Variants in ATXN2 observed in about 807,000 individuals in gnomAD.
The protein encoded by ATXN2 is ataxin 2.
ATXN2 carries 37 observed loss-of-function variants against 138.6 expected under a neutral mutation model. The ratio of observed to expected loss-of-function variants is 0.27; its 90% confidence interval spans 0.21 to 0.35. The LOEUF is 0.35. Among genes scored for constraint, ATXN2 ranks in the 10% least tolerant of loss-of-function variants. ATXN2 has a pLI of 1.00. For missense variants in ATXN2, 1,216 were observed against 1,480.3 expected (o/e 0.82, Z 2.93); for synonymous variants, 549 against 543.7 (o/e 1.01, Z -0.13).
intron 14 of ATXN2, among the ~76,000 whole-genome samples, chr12:111,501,583 G>A (rs991373203): frequency 2.6e-5 from 4 of 152,150 alleles, no homozygotes; most frequent in Non-Finnish European, 4.4e-5. Context: ...CAACTCTGGC[G>A]CATCGCAAGC....
intron 6 of ATXN2, among the ~76,000 whole-genome samples, chr12:111,521,310 C>T (rs1212548546): frequency 6.6e-6 from 1 of 152,152 alleles, no homozygotes; most frequent in African/African-American, 2.4e-5. Flanking sequence ...TTACCTGTAA[C>T]CTTCTTGAGA....
intron 1 of ATXN2, 43 bp from the exon 2 acceptor site, chr12:111,555,962 A>C (rs1157478066): frequency 4.3e-6 from 6 of 1,408,804 alleles, no homozygotes; most frequent in Non-Finnish European, 5.8e-6. Context: ...CAACAGGCTA[A>C]ATAAGCTGAA....
chr12:111,589,628 C>A (rs1266468541), intron 1 of ATXN2, among the ~76,000 whole-genome samples: 1 of 151,786 alleles, frequency 6.6e-6, no homozygotes, highest in Non-Finnish European at 1.5e-5. Flanking sequence ...AAAAATTAGC[C>A]AGGTGTAGTG....
At chr12:111,485,412 C>A in intron 17 of ATXN2, 81 bp from the exon 18 acceptor site, 1 of 1,317,738 alleles carries the variant, frequency 7.6e-7, no homozygotes, top group South Asian at 1.3e-5. Flanking sequence ...TTTTATATTG[C>A]TAGAGAGCTA....
At chr12:111,470,506 A>G in intron 19 of ATXN2, 52 bp downstream of exon 19, 2 of 1,584,730 alleles carry the variant, frequency 1.3e-6, no homozygotes, top group East Asian at 2.3e-5. Context: ...TACCATATTA[A>G]AAGTTTTTTT....
chr12:111,531,982 A>C (rs1201432980), intron 5 of ATXN2, among the ~76,000 whole-genome samples: 1 of 152,266 alleles, frequency 6.6e-6, no homozygotes. Flanking sequence ...ACATGTTCTT[A>C]ATTAAAGCAT....
intron 14 of ATXN2, among the ~76,000 whole-genome samples, chr12:111,489,438 C>G (rs1274642188): frequency 1.3e-5 from 2 of 151,954 alleles, no homozygotes; most frequent in Non-Finnish European, 2.9e-5. Context: ...CACGCTGAAA[C>G]CCCATCTCTA....
chr12:111,470,426 A>G, intron 19 of ATXN2, 132 bp downstream of exon 19: 1 of 1,168,118 alleles, frequency 8.6e-7, no homozygotes, highest in Non-Finnish European at 1.2e-6. Flanking sequence ...TATATTGAAA[A>G]GGGTCCCCAA....
intron 1 of ATXN2, among the ~76,000 whole-genome samples, chr12:111,577,414 C>G (rs1350912854): frequency 6.6e-6 from 1 of 151,960 alleles, no homozygotes; most frequent in Non-Finnish European, 1.5e-5. Flanking sequence ...TACAGGCGCC[C>G]GCCACCACAC....
intron 18 of ATXN2, among the ~76,000 whole-genome samples, chr12:111,476,536 A>G (rs990493445): frequency 2.0e-5 from 3 of 152,188 alleles, no homozygotes; most frequent in African/African-American, 4.8e-5. Flanking sequence ...GGGCTGCCAG[A>G]AACAGTGGGT....
At chr12:111,553,234 AAAT>A (rs1457697698) in intron 3 of ATXN2, among the ~76,000 whole-genome samples, 3 of 152,162 alleles carry the variant, frequency 2.0e-5, no homozygotes, top group African/African-American at 7.2e-5. Context: ...TTAAGTGACA[AAAT>A]AATGTACAAA....
intron 21 of ATXN2, chr12:111,457,961 G>A (rs1875243189): frequency 6.6e-6 from 1 of 152,166 alleles, no homozygotes; most frequent in South Asian, 2.1e-4. Flanking sequence ...AATAAATATA[G>A]AAAAGTAAAC....
In ATXN2 at chr12:111,516,398, A is replaced by T. The variant is rs1441405873; in HGVS notation, c.1166-35T>A. On this transcript the variant is annotated intron_variant, in intron 9 of 24. Coordinates refer to ENST00000673436, the MANE Select transcript of ATXN2 (RefSeq NM_001372574.1). The surrounding 1 kb of genome is among the most constrained non-coding windows in gnomAD (Gnocchi z 5.0). ...CAAATGATATGAAGGAAAGTATAAA[A>T]ACTAAAGAAAAAAATGAGGGAAAAA... 1 of 1,501,464 alleles carries T rather than the reference A, an allele frequency of 6.7e-7. No homozygotes were observed. Among genetic ancestry groups the T allele is most frequent in the South Asian group, 1.3e-5 (1 of 79,802 alleles). The allele number at this position is 1,501,464 out of a possible 1,614,324, so 93.0% of individuals were successfully genotyped here.
At chr12:111,541,401 G>A (rs1433271926) in intron 5 of ATXN2, among the ~76,000 whole-genome samples, 1 of 137,730 alleles carries the variant, frequency 7.3e-6, no homozygotes, top group African/African-American at 2.6e-5. Flanking sequence ...GCCCAGGCTG[G>A]AGTGCAATGG....
At chr12:111,490,365 A>C (rs1173273756) in intron 14 of ATXN2, among the ~76,000 whole-genome samples, 1 of 152,128 alleles carries the variant, frequency 6.6e-6, no homozygotes, top group East Asian at 1.9e-4. Flanking sequence ...CTTTGTGTGA[A>C]ATGAACTGGA....
chr12:111,582,003 A>G (rs1210991694), intron 1 of ATXN2, among the ~76,000 whole-genome samples: 7 of 151,934 alleles, frequency 4.6e-5, no homozygotes, highest in Non-Finnish European at 1.0e-4. Flanking sequence ...TTGACTCTAC[A>G]TTGTTGAACA....
chr12:111,573,369 T>C (rs766421092), intron 1 of ATXN2, among the ~76,000 whole-genome samples: 6 of 152,086 alleles, frequency 3.9e-5, no homozygotes, highest in Non-Finnish European at 8.8e-5. Flanking sequence ...AACTTTTTTG[T>C]ATTTTTAGTA....
At chr12:111,551,023 G>A (rs1308086259) in intron 5 of ATXN2, among the ~76,000 whole-genome samples, 2 of 152,206 alleles carry the variant, frequency 1.3e-5, no homozygotes, top group Non-Finnish European at 2.9e-5. Flanking sequence ...AACCGGCTGG[G>A]TGCAGTGGCT....
At chr12:111,523,764 A>G (rs1405901464) in intron 6 of ATXN2, among the ~76,000 whole-genome samples, 6 of 128,446 alleles carry the variant, frequency 4.7e-5, no homozygotes, top group East Asian at 2.0e-4. Flanking sequence ...AATAATGCTG[A>G]AAAAAAAAAA....
Sources: allele counts gnomAD v4.1 joint callset (sites outside exome capture counted in the v4.1 genomes callset), GRCh38; gene constraint gnomAD v4.1.1; non-coding constraint Gnocchi (gnomAD v3.1); transcripts MANE v1.5; gene names NCBI Gene and HGNC (gene_info 2026-07-23, HGNC 2026-07-21).